The following DNASE1 variants were observed in gnomAD, a reference collection of about 807,000 sequenced individuals.
The protein encoded by DNASE1 is deoxyribonuclease-1.
DNASE1 carries 40 observed loss-of-function variants against 33.9 expected under a neutral mutation model. The observed-to-expected ratio is 1.18, with a 90% CI of 0.92 to 1.54. DNASE1 has a LOEUF of 1.54. DNASE1 is among the 40% of genes most tolerant of loss of function. The probability of loss-of-function intolerance (pLI) is 0.00; values close to 1 mark genes in which losing one functional copy is unlikely to be tolerated. For synonymous variants in DNASE1, 216 were observed against 160.0 expected (o/e 1.35, Z -2.64); for missense variants, 518 against 372.6 (o/e 1.39, Z -3.21).
At chr16:3,660,007 G>C (rs967148960), downstream of DNASE1, 3 of 152,174 alleles carry the variant, frequency 2.0e-5, no homozygotes, top group African/African-American at 7.2e-5. Context: ...GATTACAGGC[G>C]TGAGGCACCG....
chr16:3,656,061 T>TA, intron 3 of DNASE1, 41 bp from the exon 4 acceptor site: 1 of 1,611,066 alleles, frequency 6.2e-7, no homozygotes, highest in African/African-American at 1.3e-5. Context: ...AGGGGTCCCC[T>TA]ATGGCCCCCG....
chr16:3,615,202 C>G (rs544141552), intron 1 of DNASE1, among the ~76,000 whole-genome samples: 12 of 152,086 alleles, frequency 7.9e-5, no homozygotes, highest in Non-Finnish European at 1.6e-4. Context: ...TTAACCAGCA[C>G]CAACTGAACA....
chr16:3,662,218 A>G, downstream of DNASE1: 2 of 1,503,970 alleles, frequency 1.3e-6, no homozygotes, highest in Admixed American at 4.0e-5. Context: ...AAGGTCACCC[A>G]GACCACGAGG....
Position 3,646,071 on chromosome 16 carries a change from G to A in DNASE1, c.-86+3035G>A, listed in dbSNP as rs186941214. Among the ~76,000 whole-genome samples the A allele has an allele frequency of 1.6e-4, 24 of 152,294 alleles. 1 individual carries two copies. In the East Asian group the frequency reaches 3.7e-3, roughly 23 times the overall value. On this transcript the variant is annotated intron_variant, in intron 1 of 9. Coordinates refer to the DNASE1 transcript ENST00000407479. ...TAGAGCCAGCCGAGTAGAGCCAGCC[G>A]AGGGCAGATAGGTCTTGTAGGGCTG...
upstream of DNASE1, chr16:3,640,902 C>T (rs1052715783): frequency 5.0e-6 from 2 of 398,540 alleles, no homozygotes; most frequent in Non-Finnish European, 8.8e-6. Flanking sequence ...GCCCGTCACC[C>T]ATGAGCTCTC....
chr16:3,623,316 C>T (rs902046228), intron 1 of DNASE1, among the ~76,000 whole-genome samples: 1 of 152,130 alleles, frequency 6.6e-6, no homozygotes, highest in Non-Finnish European at 1.5e-5. Flanking sequence ...GTACCTCTAT[C>T]TCTCACCGCA....
In DNASE1 at chr16:3,657,402, TAGGTCGGGCTTCAGAAGC is replaced by T. The variant is rs2042743172; in HGVS notation, c.704+62_704+79del. Reference sequence around the variant, plus strand: ...CACCTCCAAGGGCAGCCGTGACTCATAGGTCGGGCTTCAGAAGCCTCAAAGCCTTTGAACACTCACCCA... The same window carrying T: ...CACCTCCAAGGGCAGCCGTGACTCATCTCAAAGCCTTTGAACACTCACCCA... On this transcript the variant is annotated intron_variant, in intron 7 of 8. Transcript: ENST00000246949. The T allele has an allele frequency of 5.1e-5, 82 of 1,594,302 alleles. No individual in the cohort carries two copies. The South Asian group carries it at 8.6e-4, about 17-fold the overall frequency.
chr16:3,633,744 C>T (rs1054816547), intron 1 of DNASE1, among the ~76,000 whole-genome samples: 4 of 152,088 alleles, frequency 2.6e-5, no homozygotes, highest in Non-Finnish European at 5.9e-5. Flanking sequence ...ATTCTCAGTT[C>T]ATCCTTACTG....
chr16:3,622,443 G>A (rs1412725928), intron 1 of DNASE1, among the ~76,000 whole-genome samples: 2 of 152,014 alleles, frequency 1.3e-5, no homozygotes, highest in African/African-American at 4.8e-5. Context: ...ATGACCTTAT[G>A]TTTGTGGGCT....
downstream of DNASE1, chr16:3,662,671 C>A (rs866870554): frequency 1.6e-4 from 109 of 691,508 alleles, 1 homozygote; most frequent in Middle Eastern, 0.012. Flanking sequence ...TGCTCTGGAG[C>A]AGGGCTGGGA....
intron 1 of DNASE1, among the ~76,000 whole-genome samples, chr16:3,615,701 G>A (rs542070794): frequency 5.3e-5 from 8 of 152,350 alleles, no homozygotes; most frequent in Admixed American, 5.2e-4. Context: ...CCAAATAGAT[G>A]TGCTGTTTTC....
upstream of DNASE1, among the ~76,000 whole-genome samples, chr16:3,638,984 A>G (rs1051874987): frequency 6.6e-6 from 1 of 152,212 alleles, no homozygotes; most frequent in African/African-American, 2.4e-5. Flanking sequence ...CATCATGCTC[A>G]TGTTTCCCTT....
exon 10 of DNASE1, chr16:3,663,381 G>T (rs747427856): frequency 1.2e-6 from 2 of 1,611,770 alleles, no homozygotes; most frequent in Admixed American, 3.3e-5. Context: ...GGCGTGCGGG[G>T]AGTGGAAACC....
chr16:3,664,321 C>T (rs376510213), exon 10 of DNASE1: 8 of 1,612,092 alleles, frequency 5.0e-6, no homozygotes, highest in Non-Finnish European at 6.8e-6. Flanking sequence ...GAGTGCTCTG[C>T]CAGGTGACGG....
upstream of DNASE1, among the ~76,000 whole-genome samples, chr16:3,640,388 C>G (rs79865459): frequency 1.3e-5 from 2 of 152,206 alleles, no homozygotes; most frequent in African/African-American, 4.8e-5. Flanking sequence ...CTTCCCAACT[C>G]AGAAAGACTG....
At chr16:3,612,596 G>A (rs1314818646) in intron 1 of DNASE1, among the ~76,000 whole-genome samples, 12 of 144,512 alleles carry the variant, frequency 8.3e-5, no homozygotes, top group African/African-American at 3.1e-4. Context: ...GGGGGCGGGG[G>A]GGGGAGTCTC....
In DNASE1 at chr16:3,654,769, CAG is replaced by C. The variant is rs2042487393; in HGVS notation, c.-274_-273del. 2.5e-6 allele frequency: 1 copy of C among 400,272 alleles called. No homozygotes were observed. The highest frequency in any genetic ancestry group is 4.4e-6 in the Non-Finnish European group (1 of 227,330). The allele number at this position is 400,272 out of a possible 1,614,324, so 24.8% of individuals were successfully genotyped here. ...CAACCCACCTATGCGGAAAGCCACA[CAG>C]AGCCATTGTTTTCTGCACTCTCAGG... On this transcript the variant is annotated 5_prime_UTR_variant, in exon 1 of 9. An upstream open reading frame in the 5' UTR loses its in-frame stop. Coordinates refer to ENST00000246949, the MANE Select transcript of DNASE1 (RefSeq NM_005223.4).
At chr16:3,640,748 A>T, upstream of DNASE1, 1 of 398,610 alleles carries the variant, frequency 2.5e-6, no homozygotes, top group Non-Finnish European at 4.4e-6. Flanking sequence ...GCAAGATGGC[A>T]AAAGCTTGCT....
chr16:3,656,448 C>G (rs541118963), intron 4 of DNASE1, among the ~76,000 whole-genome samples, 190 bp from the exon 5 acceptor site: 1 of 112,516 alleles, frequency 8.9e-6, no homozygotes, highest in Non-Finnish European at 1.8e-5. Context: ...GCCTGGGTCC[C>G]GGACCAATGG....
Sources: gnomAD v4.1 joint callset for allele counts (sites outside exome capture counted in the v4.1 genomes callset) on GRCh38, gnomAD v4.1.1 for gene constraint, MANE v1.5 for transcripts, NCBI Gene and HGNC (gene_info 2026-07-23, HGNC 2026-07-21) for gene names.